MAD1L1: variants seen among roughly 807,000 people sequenced by gnomAD.
The protein encoded by MAD1L1 is mitotic spindle assembly checkpoint protein MAD1.
Under a neutral mutation model 96.9 loss-of-function variants are expected in MAD1L1, and 95 were observed. That is an observed-to-expected ratio of 0.98 (90% CI 0.83 to 1.16). The LOEUF (loss-of-function observed/expected upper bound fraction) is 1.16, where lower values mean the gene tolerates loss of function less well. MAD1L1 is among the 50% of genes most tolerant of loss of function. MAD1L1 has a pLI of 0.00. For missense variants in MAD1L1, 1,007 were observed against 954.4 expected (o/e 1.06, Z -0.73); for synonymous variants, 473 against 396.6 (o/e 1.19, Z -2.29).
At chr7:1,832,925 C>T (rs1583497909) in intron 18 of MAD1L1, among the ~76,000 whole-genome samples, 4 of 152,114 alleles carry the variant, frequency 2.6e-5, no homozygotes, top group African/African-American at 9.6e-5. Flanking sequence ...AGCCACAGCA[C>T]CCAGCCCACT....
intron 11 of MAD1L1, among the ~76,000 whole-genome samples, chr7:2,124,208 G>A (rs554066248): frequency 2.6e-5 from 4 of 152,314 alleles, no homozygotes; most frequent in East Asian, 1.9e-4. Flanking sequence ...ATCGGGCAGC[G>A]GTGCAGGACC....
chr7:2,136,060 A>C (rs902179163), intron 11 of MAD1L1, among the ~76,000 whole-genome samples: 5 of 151,924 alleles, frequency 3.3e-5, no homozygotes, highest in African/African-American at 1.2e-4. Flanking sequence ...TGTCCACTCC[A>C]AGCTCAATGA....
At chr7:2,005,902 G>A (rs1782009932) in intron 13 of MAD1L1, among the ~76,000 whole-genome samples, 1 of 152,184 alleles carries the variant, frequency 6.6e-6, no homozygotes, top group Non-Finnish European at 1.5e-5. Flanking sequence ...GCACAACCCT[G>A]AGTCAGAGGT....
At chr7:1,840,956 GGCCAGGTGGTCCCCGTGC>G (rs1309523653) in intron 18 of MAD1L1, among the ~76,000 whole-genome samples, 6 of 152,250 alleles carry the variant, frequency 3.9e-5, no homozygotes, top group Non-Finnish European at 7.3e-5. Flanking sequence ...ACCCTGGCGG[GGCCAGGTGGTCCCCGTGC>G]GTTTGCAGCC....
chr7:1,881,239 C>A (rs1482242141), intron 18 of MAD1L1, among the ~76,000 whole-genome samples: 1 of 152,094 alleles, frequency 6.6e-6, no homozygotes, highest in Non-Finnish European at 1.5e-5. Flanking sequence ...TAAATGGTCA[C>A]GCATTTGAAT....
intron 11 of MAD1L1, among the ~76,000 whole-genome samples, chr7:2,140,865 G>A (rs962366773): frequency 6.6e-6 from 1 of 152,222 alleles, no homozygotes; most frequent in African/African-American, 2.4e-5. Context: ...TCTAGTGCTT[G>A]AATAAAAGGG....
chr7:1,816,687 G>A (rs954677850), intron 18 of MAD1L1, among the ~76,000 whole-genome samples: 4 of 152,064 alleles, frequency 2.6e-5, no homozygotes, highest in African/African-American at 9.7e-5. Flanking sequence ...GGGGGAGTCT[G>A]GCTCTGTGGA....
intron 4 of MAD1L1, among the ~76,000 whole-genome samples, chr7:2,224,078 T>A (rs1793753389): frequency 6.6e-6 from 1 of 152,102 alleles, no homozygotes; most frequent in African/African-American, 2.4e-5. Flanking sequence ...CAATCCAACA[T>A]TTGTGAGCAC....
intron 13 of MAD1L1, among the ~76,000 whole-genome samples, chr7:2,013,675 C>G (rs1782402298): frequency 6.6e-6 from 1 of 152,272 alleles, no homozygotes; most frequent in African/African-American, 2.4e-5. Context: ...TCCCACCACG[C>G]CCAGGCGGGG....
At chr7:2,225,118 C>G (rs913542313) in intron 4 of MAD1L1, among the ~76,000 whole-genome samples, 1 of 152,244 alleles carries the variant, frequency 6.6e-6, no homozygotes, top group Non-Finnish European at 1.5e-5. Context: ...ATAACTGATA[C>G]CTGCCCCACA....
At chr7:1,893,862 A>T (rs7803880) in intron 18 of MAD1L1, among the ~76,000 whole-genome samples, 1 of 152,120 alleles carries the variant, frequency 6.6e-6, no homozygotes, top group African/African-American at 2.4e-5. Context: ...TGGACAGTGG[A>T]GACCAGGGCC....
At chr7:2,071,464 T>C (rs1365087741) in intron 11 of MAD1L1, among the ~76,000 whole-genome samples, 2 of 152,200 alleles carry the variant, frequency 1.3e-5, no homozygotes, top group African/African-American at 4.8e-5. Flanking sequence ...CGTCAACCCA[T>C]CTACCAGAAC....
intron 10 of MAD1L1, among the ~76,000 whole-genome samples, chr7:2,203,642 G>C (rs1351474238): frequency 6.6e-6 from 1 of 152,234 alleles, no homozygotes; most frequent in Non-Finnish European, 1.5e-5. Flanking sequence ...GTTCTTTAAA[G>C]TAGTTCAGCA....
chr7:1,918,928 C>T (rs1032947423), intron 17 of MAD1L1, among the ~76,000 whole-genome samples: 1 of 151,996 alleles, frequency 6.6e-6, no homozygotes, highest in African/African-American at 2.4e-5. Flanking sequence ...GGTGAGAGCA[C>T]GTGGCAGGGC....
intron 12 of MAD1L1, among the ~76,000 whole-genome samples, chr7:2,065,219 G>A (rs1252811944): frequency 1.3e-5 from 2 of 152,276 alleles, no homozygotes; most frequent in Middle Eastern, 3.4e-3. Context: ...CCGCCTTCTT[G>A]GGCCCAGTCT....
intron 13 of MAD1L1, among the ~76,000 whole-genome samples, chr7:2,004,111 G>C (rs772816101): frequency 9.9e-5 from 15 of 152,148 alleles, no homozygotes; most frequent in Non-Finnish European, 1.9e-4. Context: ...TCCACACTCA[G>C]GCTCTCCTCA....
intron 15 of MAD1L1, among the ~76,000 whole-genome samples, chr7:1,962,337 A>T (rs560361343): frequency 6.6e-6 from 1 of 152,324 alleles, no homozygotes; most frequent in African/African-American, 2.4e-5. Context: ...GCCATGTAGA[A>T]CTGTGAGTCC....
rs1234947658 is a variant in MAD1L1 at position 2,061,207 on chromosome 7, C to T, written c.1218+7987G>A. On this transcript the variant is annotated intron_variant, in intron 12 of 18. Coordinates refer to ENST00000265854, the MANE Select transcript of MAD1L1 (RefSeq NM_001013836.2). ...CAAAACTTAGCTGGGCGTGCTGGCG[C>T]GTGCCTGTAGTCCCAGCTACTCATG... 5.3e-5 allele frequency among the ~76,000 whole-genome samples: 8 copies of T among 152,260 alleles called. No homozygotes were observed. The South Asian group carries it at 1.2e-3, about 24-fold the overall frequency.
At chr7:1,977,043 T>C (rs941332173) in intron 15 of MAD1L1, among the ~76,000 whole-genome samples, 4 of 152,270 alleles carry the variant, frequency 2.6e-5, no homozygotes, top group African/African-American at 7.2e-5. Context: ...GGAGCCCAGC[T>C]GGCTTCCGAC....
Sources: allele counts gnomAD v4.1 joint callset (sites outside exome capture counted in the v4.1 genomes callset), GRCh38; gene constraint gnomAD v4.1.1; transcripts MANE v1.5; gene names NCBI Gene and HGNC (gene_info 2026-07-23, HGNC 2026-07-21).